AKR1C3: variants seen among roughly 807,000 people sequenced by gnomAD.
The protein encoded by AKR1C3 is aldo-keto reductase family 1 member C3.
In AKR1C3, 48 loss-of-function variants were observed where a neutral mutation model predicts 43.6. The ratio of observed to expected loss-of-function variants is 1.10; its 90% CI spans 0.87 to 1.40. The LOEUF (loss-of-function observed/expected upper bound fraction) is 1.40. AKR1C3 is among the 40% of genes most tolerant of loss of function. The pLI is 0.00. For missense variants in AKR1C3, 482 were observed against 391.2 expected, an observed-to-expected ratio of 1.23 and a Z score of -1.96; for synonymous variants, 162 against 139.6, an observed-to-expected ratio of 1.16 and a Z score of -1.13.
Position 5,102,630 on chromosome 10 carries a change from C to G in AKR1C3, c.826C>G (p.Arg276Gly), listed in dbSNP as rs140613308. 1 of 1,483,724 alleles carries G rather than the reference C, an allele frequency of 6.7e-7. No homozygotes were observed. The highest frequency in any genetic ancestry group is 1.4e-5 in the African/African-American group (1 of 70,610). The allele number at this position is 1,483,724 out of a possible 1,614,324, so 91.9% of individuals were successfully genotyped here. A position where few individuals can be genotyped will look rare whatever the true frequency, so the allele number is the denominator to read the frequency against. ...VVLAKSYNEQRIRQNVQVFEF... is the reference protein window; with the variant it reads ...VVLAKSYNEQGIRQNVQVFEF... ...CCTGGCCAAGAGCTACAATGAGCAG[C>G]GCATCAGACAGAACGTGCAGGTGAG... Residue 276 changes from arginine (R) to glycine (G), a missense_variant, in exon 7 of 9, where the codon CGC becomes GGC. By Grantham distance (125) the Arg-to-Gly change is moderately radical (BLOSUM62 -2). Coordinates refer to ENST00000380554, the MANE Select transcript of AKR1C3 (RefSeq NM_003739.6).
chr10:5,101,266 AATTTTCACAT>A (rs1839341113), intron 5 of AKR1C3, among the ~76,000 whole-genome samples: 1 of 152,226 alleles, frequency 6.6e-6, no homozygotes, highest in Non-Finnish European at 1.5e-5. Flanking sequence ...TTCCATGACA[AATTTTCACAT>A]ATGATTGTGT....
chr10:5,056,456 T>G (rs2131777826), intron 1 of AKR1C3, among the ~76,000 whole-genome samples: 1 of 152,316 alleles, frequency 6.6e-6, no homozygotes, highest in South Asian at 2.1e-4. Flanking sequence ...CCACTGACCA[T>G]TCGGTTTTTG....
chr10:5,106,923 A>AAGGAAACTATGT, intron 8 of AKR1C3, among the ~76,000 whole-genome samples: 1 of 151,988 alleles, frequency 6.6e-6, no homozygotes, highest in African/African-American at 2.4e-5. Flanking sequence ...TAAATAAAAA[A>AAGGAAACTATGT]AGGAAACCAT....
upstream of AKR1C3, among the ~76,000 whole-genome samples, chr10:5,090,906 T>C (rs1282251716): frequency 1.3e-5 from 2 of 152,126 alleles, no homozygotes; most frequent in Non-Finnish European, 2.9e-5. Flanking sequence ...TCAAATGCTA[T>C]TAATAGGACA....
chr10:5,095,428 C>G (rs1281258525), intron 1 of AKR1C3, among the ~76,000 whole-genome samples: 1 of 151,480 alleles, frequency 6.6e-6, no homozygotes, highest in African/African-American at 2.4e-5. Context: ...GAAGCTCCAG[C>G]CTTGGTAAAC....
At chr10:5,064,403 G>A (rs1276742870) in intron 1 of AKR1C3, among the ~76,000 whole-genome samples, 7 of 152,116 alleles carry the variant, frequency 4.6e-5, no homozygotes, top group African/African-American at 1.4e-4. Flanking sequence ...AAAACCTTAA[G>A]TTTTAAGCCT....
chr10:5,071,505 T>C (rs1243741475), intron 1 of AKR1C3, among the ~76,000 whole-genome samples: 3 of 152,172 alleles, frequency 2.0e-5, no homozygotes, highest in African/African-American at 7.2e-5. Context: ...CCCCACACAG[T>C]GGCACGGATT....
intron 7 of AKR1C3, 124 bp from the exon 8 acceptor site, chr10:5,105,471 G>A (rs1839476258): frequency 1.5e-6 from 1 of 668,624 alleles, no homozygotes; most frequent in African/African-American, 1.8e-5. Flanking sequence ...GTTTAGAGCT[G>A]ACTTCTATAA....
At position 5,087,376 on chromosome 10, in the gene AKR1C3, C is replaced by CTTTTTTTTTTTTTT. The variant is rs1564364889; in HGVS notation, c.85-9031_85-9030insTTTTTTTTTTTTTT. ...AGTTTTAATGTCACCTTTATCATTT[C>CTTTTTTTTTTTTTT]TTTCTTTTTTTTTTTTTTTTGAGGC... is the stretch of plus-strand genomic sequence containing the variant. On this transcript the variant is annotated intron_variant, in intron 1 of 8. Transcript: ENST00000439082. Among the ~76,000 whole-genome samples, 4 of 45,366 alleles carry CTTTTTTTTTTTTTT rather than the reference C, an allele frequency of 8.8e-5. 1 individual carries two copies. The highest frequency in any genetic ancestry group is 4.5e-5 in the Non-Finnish European group (1 of 22,440). The allele number at this position is 45,366 out of a possible 152,430, so 29.8% of individuals were successfully genotyped here. A position where few individuals can be genotyped will look rare whatever the true frequency, so the allele number is the denominator to read the frequency against.
intron 7 of AKR1C3, 136 bp from the exon 8 acceptor site, chr10:5,105,459 G>C: frequency 1.7e-6 from 1 of 591,738 alleles, no homozygotes; most frequent in Non-Finnish European, 3.0e-6. Context: ...ACCCACCTGA[G>C]TGTTTAGAGC....
intron 7 of AKR1C3, among the ~76,000 whole-genome samples, chr10:5,104,328 A>AT (rs1452348688): frequency 6.6e-6 from 1 of 152,208 alleles, no homozygotes; most frequent in Non-Finnish European, 1.5e-5. Context: ...CTAAATTGAT[A>AT]TCAAAAGGTG....
At chr10:5,064,512 A>T (rs1338040511) in intron 1 of AKR1C3, among the ~76,000 whole-genome samples, 1 of 152,228 alleles carries the variant, frequency 6.6e-6, no homozygotes, top group Non-Finnish European at 1.5e-5. Flanking sequence ...CAATTGCAAG[A>T]AAAACAGAAA....
intron 7 of AKR1C3, chr10:5,105,381 A>C (rs1203311490): frequency 7.6e-6 from 3 of 396,788 alleles, no homozygotes; most frequent in Non-Finnish European, 1.4e-5. Context: ...TTGTCTGCAG[A>C]GTTGCACAGT....
At chr10:5,100,234 C>A (rs782326658) in intron 5 of AKR1C3, among the ~76,000 whole-genome samples, 2 of 152,134 alleles carry the variant, frequency 1.3e-5, no homozygotes, top group African/African-American at 2.4e-5. Flanking sequence ...GCAGAGATTG[C>A]GGTGAGCCGA....
chr10:5,090,247 AC>A (rs1263579800), upstream of AKR1C3, among the ~76,000 whole-genome samples: 2 of 151,906 alleles, frequency 1.3e-5, no homozygotes, highest in African/African-American at 4.8e-5. Context: ...ACCTGCAAAT[AC>A]CCCAGTGATG....
At chr10:5,073,339 C>T (rs1260811500) in intron 1 of AKR1C3, among the ~76,000 whole-genome samples, 1 of 152,130 alleles carries the variant, frequency 6.6e-6, no homozygotes, top group East Asian at 1.9e-4. Context: ...CAGGAGATTT[C>T]ATTTTTAACA....
chr10:5,098,065 G>T, intron 3 of AKR1C3: 1 of 996,616 alleles, frequency 1.0e-6, no homozygotes, highest in Non-Finnish European at 1.2e-6. Flanking sequence ...GTTTGAAGCT[G>T]TATTTAGCCA....
intron 1 of AKR1C3, among the ~76,000 whole-genome samples, chr10:5,068,795 T>C (rs1554781052): frequency 6.6e-6 from 1 of 152,182 alleles, no homozygotes; most frequent in Non-Finnish European, 1.5e-5. Context: ...GAAGGCCTCT[T>C]TCATCTCAGA....
rs782331385 is a variant in AKR1C3, at chr10:5,098,860, ATC to A, written c.432_433del (p.Cys145TyrfsTer10). 1.9e-6 allele frequency: 3 copies of A among 1,613,634 alleles called. No homozygotes were observed. In the African/African-American group the frequency reaches 4.0e-5, roughly 22 times the overall value. On this transcript the variant is annotated frameshift_variant, in exon 4 of 9. Transcript: ENST00000380554. LOFTEE classifies it high-confidence loss of function. ...GGAAAAGTAATATTTGACATAGTGG[ATC>A]TCTGTACCACCTGGGAGGTGAGTGC...
Sources: gnomAD v4.1 joint callset for allele counts (sites outside exome capture counted in the v4.1 genomes callset) on GRCh38, gnomAD v4.1.1 for gene constraint, MANE v1.5 for transcripts, NCBI Gene and HGNC (gene_info 2026-07-23, HGNC 2026-07-21) for gene names.